Variants in ZNF160 observed in about 807,000 individuals in gnomAD.
ZNF160 encodes zinc finger protein 160, also known as KRAB zinc finger protein KR18.
In ZNF160, 9 loss-of-function variants were observed where a neutral mutation model predicts 13.1. The ratio of observed to expected loss-of-function variants is 0.69; its 90% confidence interval spans 0.41 to 1.20. ZNF160 has a LOEUF of 1.20. ZNF160 is among the 50% of genes most tolerant of loss of function. The pLI, the probability that ZNF160 is intolerant of heterozygous loss-of-function variation, is 0.01. For synonymous variants in ZNF160, 293 were observed against 333.2 expected (o/e 0.88, Z 1.31); for missense variants, 838 against 988.0 (o/e 0.85, Z 2.04).
chr19:53,083,975 T>G (rs1245707467), intron 3 of ZNF160, among the ~76,000 whole-genome samples: 1 of 152,154 alleles, frequency 6.6e-6, no homozygotes, highest in Admixed American at 6.5e-5. Context: ...TACTTAGCCC[T>G]TTAGAAATAC....
At chr19:53,084,486 C>T (rs953022797) in intron 3 of ZNF160, among the ~76,000 whole-genome samples, 2 of 152,164 alleles carry the variant, frequency 1.3e-5, no homozygotes, top group Admixed American at 6.5e-5. Context: ...ACAGAGCCGC[C>T]GTGCTCCGGC....
At chr19:53,083,167 TCATGAAGTAGG>T (rs1293055732) in intron 3 of ZNF160, among the ~76,000 whole-genome samples, 1 of 152,190 alleles carries the variant, frequency 6.6e-6, no homozygotes, top group Non-Finnish European at 1.5e-5. Flanking sequence ...CATAGAAACT[TCATGAAGTAGG>T]CATGATTAAA....
chr19:53,074,204 C>T lies in ZNF160; in HGVS notation c.207G>A (p.Val69=). The change falls in exon 5 of 6, where the codon GTG becomes GTA. Residue 69 remains valine, a synonymous_variant. Coordinates refer to ENST00000683776, the MANE Select transcript of ZNF160 (RefSeq NM_001322131.2). ...MLEEGKEPWT[V]KSCVKIARKP... ...TTCTTGCTATTTTCACACAGCTCTTCACAGTCCAGGGCTCTTTCCCTTCCT... is the reference window on the plus strand; with the variant it reads ...TTCTTGCTATTTTCACACAGCTCTTTACAGTCCAGGGCTCTTTCCCTTCCT... 1 of 1,614,124 alleles carries T rather than the reference C, an allele frequency of 6.2e-7. No individual in the cohort carries two copies. Among genetic ancestry groups the T allele is most frequent in the Non-Finnish European group, 8.5e-7 (1 of 1,180,028 alleles).
chr19:53,073,335 T>C, intron 5 of ZNF160: 4 of 1,597,420 alleles, frequency 2.5e-6, no homozygotes, highest in South Asian at 2.2e-5. Flanking sequence ...CTGAGAACAA[T>C]CTTAGAAGAT....
At position 53,069,680 on chromosome 19, in the gene ZNF160, T is replaced by C; in HGVS notation, c.854A>G (p.Tyr285Cys). 1 of 1,614,186 alleles carries C rather than the reference T, an allele frequency of 6.2e-7. No individual in the cohort carries two copies. Among genetic ancestry groups the C allele is most frequent in the South Asian group, 1.1e-5 (1 of 91,082 alleles). Residue 285 changes from tyrosine (Y) to cysteine (C), a missense_variant, in exon 6 of 6, where the codon TAC becomes TGC. Transcript: ENST00000683776. The surrounding 1 kb of genome is among the most constrained non-coding windows in gnomAD (Gnocchi z 4.4). ...GGTTTTGCCGCACTCACTGCATTTGTAAGGCTTCTCTCCACTATGAATTCT... is the reference window on the plus strand; with the variant it reads ...GGTTTTGCCGCACTCACTGCATTTGCAAGGCTTCTCTCCACTATGAATTCT... ...HRRIHSGEKP[Y>C]KCSECGKTFT...
At chr19:53,102,032 T>C (rs1000332833) in intron 1 of ZNF160, among the ~76,000 whole-genome samples, 13 of 152,168 alleles carry the variant, frequency 8.5e-5, no homozygotes, top group African/African-American at 3.1e-4. Context: ...TTTCACCTTG[T>C]CTCTCCAGCC....
chr19:53,079,284 C>T (rs1194097044), intron 3 of ZNF160, among the ~76,000 whole-genome samples: 1 of 152,122 alleles, frequency 6.6e-6, no homozygotes, highest in Non-Finnish European at 1.5e-5. Flanking sequence ...GGCACGGTGG[C>T]TCACGCCTGT....
chr19:53,086,698 A>G (rs906981647), intron 2 of ZNF160, among the ~76,000 whole-genome samples: 2 of 152,192 alleles, frequency 1.3e-5, no homozygotes, highest in African/African-American at 4.8e-5. Context: ...CAGCCTTCAG[A>G]AACAAAAGAC....
Position 53,068,132 on chromosome 19 carries a change from C to T in ZNF160, c.2402G>A (p.Ser801Asn), listed in dbSNP as rs1390361541. ...CNECGKVFRQ[S>N]SNLASHHRMH... is the part of the protein sequence containing the mutation. ...TCTGTGATGACTTGCAAGATTTGAA[C>T]TCTGCCTGAAGACCTTGCCACACTC... Residue 801 changes from serine to asparagine, a missense_variant, in exon 6 of 6, where the codon AGT becomes AAT. Coordinates refer to ENST00000683776, the MANE Select transcript of ZNF160 (RefSeq NM_001322131.2). The T allele has an allele frequency of 1.2e-6, 2 of 1,613,494 alleles. No individual in the cohort carries two copies. Among genetic ancestry groups the T allele is most frequent in the South Asian group, 1.1e-5 (1 of 90,990 alleles).
Position 53,070,010 on chromosome 19 carries a change from T to C in ZNF160, c.524A>G (p.Lys175Arg). Residue 175 changes from lysine (K) to arginine (R), a missense_variant, in exon 6 of 6, where the codon AAG becomes AGG. Lys to Arg is a conservative substitution (Grantham distance 26). Coordinates refer to ENST00000683776, the MANE Select transcript of ZNF160 (RefSeq NM_001322131.2). ...TACTCCAAGCTGATTGTTCATAAGC[T>C]TGTTTTCTATGTCTCTTCTGTCGCG... ...DQRDRRDIENKLMNNQLGVSF... is the reference protein window; with the variant it reads ...DQRDRRDIENRLMNNQLGVSF... 1 of 1,614,058 alleles carries C rather than the reference T, an allele frequency of 6.2e-7. No individual in the cohort carries two copies. The highest frequency in any genetic ancestry group is 1.1e-5 in the South Asian group (1 of 91,058).
In ZNF160 at chr19:53,070,227, G is replaced by A; in HGVS notation, c.307C>T (p.Pro103Ser). ...PPKCTIKDLL[P>S]KEKSSTEAVF... ...GCTTCTGTACTGCTCTTCTCTTTTG[G>A]TAGCAAATCCTTGATTGTACATTTA... Residue 103 changes from proline to serine, a missense_variant, in exon 6 of 6, where the codon CCA becomes TCA. Around this residue, in one of 3 missense-constraint regions of ZNF160, gnomAD observed 387 missense variants for 402.3 expected, o/e 0.96. Coordinates refer to ENST00000683776, the MANE Select transcript of ZNF160 (RefSeq NM_001322131.2). 1 of 1,605,236 alleles carries A rather than the reference G, an allele frequency of 6.2e-7. No individual in the cohort carries two copies. Among genetic ancestry groups the A allele is most frequent in the Non-Finnish European group, 8.5e-7 (1 of 1,176,614 alleles).
chr19:53,079,788 A>G (rs1025100641), intron 3 of ZNF160, among the ~76,000 whole-genome samples: 2 of 152,028 alleles, frequency 1.3e-5, no homozygotes, highest in African/African-American at 4.8e-5. Flanking sequence ...AACAGAAGGC[A>G]TTCAAACAGA....
rs2084060757 is a variant in ZNF160, at chr19:53,068,943, G to T, written c.1591C>A (p.His531Asn). 6.2e-7 allele frequency: 1 copy of T among 1,613,722 alleles called. No individual in the cohort carries two copies. Among genetic ancestry groups the T allele is most frequent in the Admixed American group, 1.7e-5 (1 of 59,970 alleles). Reference sequence around the variant, plus strand: ...CATTTGTAAGGTTTCTCTCCAGAATGGATTGCCTGATGGGTAGTCAGACTT... The same window carrying T: ...CATTTGTAAGGTTTCTCTCCAGAATTGATTGCCTGATGGGTAGTCAGACTT... ...RSSLTTHQAIHSGEKPYKCIE... is the reference protein window; with the variant it reads ...RSSLTTHQAINSGEKPYKCIE... The change falls in exon 6 of 6, where the codon CAT becomes AAT. Residue 531 changes from histidine (H) to asparagine (N), a missense_variant. Physicochemically the swap from His to Asn is moderately conservative, Grantham distance 68 (BLOSUM62 1). Coordinates refer to ENST00000683776, the MANE Select transcript of ZNF160 (RefSeq NM_001322131.2).
At chr19:53,075,358 A>C (rs1030332482) in intron 3 of ZNF160, 175 bp from the exon 4 acceptor site, 2 of 707,738 alleles carry the variant, frequency 2.8e-6, no homozygotes, top group Non-Finnish European at 4.6e-6. Flanking sequence ...TCCTGACATA[A>C]GAGCTCACTT....
rs199968911 is a variant in ZNF160 at position 53,069,539 on chromosome 19, C to T, written c.995G>A (p.Arg332Gln). Residue 332 changes from arginine (R) to glutamine (Q), a missense_variant, in exon 6 of 6, where the codon CGG becomes CAG. Physicochemically the swap from Arg to Gln is conservative, Grantham distance 43. This residue lies in a region of ZNF160 where 387 missense variants were observed against 402.3 expected (regional missense o/e 0.96). Transcript: ENST00000683776. The surrounding 1 kb of genome is among the most constrained non-coding windows in gnomAD (Gnocchi z 4.4). The stretch of plus-strand genomic sequence containing the variant: ...AGGTTTCTCTCCAGTATGAATTCGC[C>T]GATGAGTTGCAAGGTATGAATTGTG... ...FRHNSYLATH[R>Q]RIHTGEKPYK... 54 of 1,614,052 alleles carry T rather than the reference C, an allele frequency of 3.3e-5. No individual in the cohort carries two copies. Among genetic ancestry groups the T allele is most frequent in the Non-Finnish European group, 4.2e-5 (49 of 1,180,034 alleles).
At chr19:53,098,673 C>T (rs1347966444) in intron 1 of ZNF160, among the ~76,000 whole-genome samples, 1 of 151,606 alleles carries the variant, frequency 6.6e-6, no homozygotes, top group Admixed American at 6.6e-5. Flanking sequence ...CTTCATGGCC[C>T]ACTTAGCTTC....
intron 1 of ZNF160, chr19:53,095,787 G>A (rs895870869): frequency 6.6e-6 from 1 of 151,224 alleles, no homozygotes; most frequent in East Asian, 1.9e-4. Context: ...TTATAAAAGA[G>A]TCACGTTACA....
At chr19:53,073,525 A>G in intron 5 of ZNF160, 1 of 1,592,168 alleles carries the variant, frequency 6.3e-7, no homozygotes. Context: ...ACGCACAGGA[A>G]ATGGGGTGGA....
At chr19:53,075,875 G>C in intron 3 of ZNF160, 1 of 514,576 alleles carries the variant, frequency 1.9e-6, no homozygotes, top group Non-Finnish European at 3.9e-6. Flanking sequence ...TTTGTGACTG[G>C]CATTAATGTG....
Sources: allele counts gnomAD v4.1 joint callset (sites outside exome capture counted in the v4.1 genomes callset), GRCh38; gene constraint gnomAD v4.1.1; regional missense constraint gnomAD v4.1.1; non-coding constraint Gnocchi (gnomAD v3.1); transcripts MANE v1.5; gene names NCBI Gene and HGNC (gene_info 2026-07-23, HGNC 2026-07-21).